CDC73: variants seen among roughly 807,000 people sequenced by gnomAD.
The protein encoded by CDC73 is cell division cycle 73.
Under a neutral mutation model 83.7 loss-of-function variants are expected in CDC73, and 21 were observed. The ratio of observed to expected loss-of-function variants is 0.25; its 90% CI spans 0.18 to 0.36. The LOEUF (loss-of-function observed/expected upper bound fraction) is 0.36, where lower values mean the gene tolerates loss of function less well. CDC73 is among the 10% of genes least tolerant of loss of function. CDC73 has a pLI of 1.00. For missense variants in CDC73, 342 were observed against 653.3 expected (o/e 0.52, Z 5.19); for synonymous variants, 224 against 212.9 (o/e 1.05, Z -0.45).
chr1:193,248,313 C>T (rs1375016280), intron 15 of CDC73, among the ~76,000 whole-genome samples: 1 of 152,078 alleles, frequency 6.6e-6, no homozygotes, highest in Non-Finnish European at 1.5e-5. Context: ...TTGAGACCTA[C>T]TGCTCAGAAA....
chr1:193,183,585 T>C (rs1232739705), intron 10 of CDC73, among the ~76,000 whole-genome samples: 1 of 151,370 alleles, frequency 6.6e-6, no homozygotes, highest in Non-Finnish European at 1.5e-5. Context: ...TTCCTTCTTG[T>C]ACTTTTAAAT....
intron 7 of CDC73, among the ~76,000 whole-genome samples, chr1:193,144,965 T>C (rs1312918938): frequency 1.3e-5 from 2 of 152,174 alleles, no homozygotes; most frequent in African/African-American, 4.8e-5. Flanking sequence ...CATAACACTT[T>C]TCTAATTCTT....
Position 193,147,926 on chromosome 1 carries a change from T to G in CDC73, c.789T>G (p.Arg263=), listed in dbSNP as rs761846181. 3.1e-6 allele frequency: 5 copies of G among 1,613,826 alleles called. No homozygotes were observed. In the South Asian group the frequency reaches 5.5e-5, roughly 18 times the overall value. The change falls in exon 8 of 17, where the codon CGT becomes CGG. Residue 263 remains arginine (R), a synonymous_variant. Coordinates refer to ENST00000367435, the MANE Select transcript of CDC73 (RefSeq NM_024529.5). The part of the protein sequence containing the change: ...LQSVKAREEG[R]APEQRPAPNA... ...CTGTAAAAGCCAGAGAAGAAGGGCGTGCACCTGAACAGCGACCTGCCCCAA... is the reference window on the plus strand; with the variant it reads ...CTGTAAAAGCCAGAGAAGAAGGGCGGGCACCTGAACAGCGACCTGCCCCAA...
chr1:193,177,507 G>C (rs1676628898), intron 10 of CDC73, among the ~76,000 whole-genome samples: 1 of 150,188 alleles, frequency 6.7e-6, no homozygotes, highest in Admixed American at 6.6e-5. Flanking sequence ...TCCAGCCTGG[G>C]CGACAGAGCA....
intron 13 of CDC73, among the ~76,000 whole-genome samples, chr1:193,214,656 T>G (rs527430101): frequency 1.6e-4 from 24 of 152,306 alleles, no homozygotes; most frequent in Non-Finnish European, 2.6e-4. Flanking sequence ...GAGGCGGAGC[T>G]TGCAGTGAGC....
At chr1:193,222,480 GTT>G (rs1677489287) in intron 13 of CDC73, among the ~76,000 whole-genome samples, 1 of 152,142 alleles carries the variant, frequency 6.6e-6, no homozygotes, top group Non-Finnish European at 1.5e-5. Flanking sequence ...TAATATGGGA[GTT>G]TATTTTTTTC....
chr1:193,204,287 A>AT (rs1181776959), intron 11 of CDC73, among the ~76,000 whole-genome samples: 5,475 of 133,856 alleles, frequency 0.041, 163 homozygotes, highest in Middle Eastern at 0.15. Context: ...GTATATATAT[A>AT]TTTTTTTTTT....
chr1:193,130,302 T>A lies in CDC73; in HGVS notation c.307+59T>A, dbSNP rs905853766. ...CAGACATTGTTTCTTTTTTCCCCTA[T>A]GAAATAATGATTAGAGGGAAGAGAA... On this transcript the variant is annotated intron_variant, in intron 3 of 16. Coordinates refer to ENST00000367435, the MANE Select transcript of CDC73 (RefSeq NM_024529.5). The A allele has an allele frequency of 1.1e-5, 11 of 1,031,360 alleles. No homozygotes were observed. The African/African-American group carries it at 1.7e-4, about 16-fold the overall frequency. 63.9% of individuals were successfully genotyped at this position (1,031,360 alleles called of 1,614,324 possible).
intron 13 of CDC73, among the ~76,000 whole-genome samples, chr1:193,214,043 A>G (rs112769618): frequency 1.3e-5 from 2 of 152,064 alleles, no homozygotes; most frequent in Non-Finnish European, 2.9e-5. Context: ...TTTTCCCTCT[A>G]CTTTAACCTT....
At chr1:193,247,913 G>A (rs760850176) in intron 15 of CDC73, among the ~76,000 whole-genome samples, 2 of 152,100 alleles carry the variant, frequency 1.3e-5, no homozygotes, top group African/African-American at 2.4e-5. Context: ...AAAGTGTAAG[G>A]TGAAGCAGCA....
rs893089319 is a variant in CDC73, at chr1:193,211,991, C to A, written c.1031-74C>A. 124 of 1,126,244 alleles carry A rather than the reference C, an allele frequency of 1.1e-4. No individual in the cohort carries two copies. In the Admixed American group the frequency reaches 2.4e-3, roughly 22 times the overall value. The allele number at this position is 1,126,244 out of a possible 1,614,324, so 69.8% of individuals were successfully genotyped here. On this transcript the variant is annotated intron_variant, in intron 11 of 16. Coordinates refer to ENST00000367435, the MANE Select transcript of CDC73 (RefSeq NM_024529.5). ...GGAATACACATAATTTAAAAAATAT[C>A]CCTTATTTGTAAGTTTGAAAATAAG...
At chr1:193,156,808 A>T (rs1029308765) in intron 10 of CDC73, among the ~76,000 whole-genome samples, 27 of 151,878 alleles carry the variant, frequency 1.8e-4, no homozygotes, top group African/African-American at 6.5e-4. Context: ...TTGGGGTTCT[A>T]TTTCCTTTTC....
chr1:193,186,073 T>A (rs1676800875), intron 10 of CDC73: 1 of 152,788 alleles, frequency 6.5e-6, no homozygotes, highest in African/African-American at 2.4e-5. Flanking sequence ...AAAATACTTT[T>A]GGCACGCCAT....
At chr1:193,168,562 G>C (rs1227142604) in intron 10 of CDC73, among the ~76,000 whole-genome samples, 2 of 149,190 alleles carry the variant, frequency 1.3e-5, no homozygotes, top group Non-Finnish European at 3.0e-5. Flanking sequence ...GTCTCTCTCT[G>C]TCACCCAGAT....
chr1:193,199,860 C>T (rs1184415462), intron 10 of CDC73, among the ~76,000 whole-genome samples: 5 of 151,708 alleles, frequency 3.3e-5, no homozygotes, highest in Admixed American at 3.3e-4. Flanking sequence ...ATTTTTAAAA[C>T]ATATGTGACT....
intron 10 of CDC73, among the ~76,000 whole-genome samples, chr1:193,184,858 C>G (rs1233708872): frequency 2.0e-5 from 3 of 151,834 alleles, no homozygotes; most frequent in Non-Finnish European, 4.4e-5. Flanking sequence ...GAATGCAGTA[C>G]TTACATATTT....
At chr1:193,205,324 A>G (rs548122141) in intron 11 of CDC73, among the ~76,000 whole-genome samples, 6 of 151,870 alleles carry the variant, frequency 4.0e-5, no homozygotes, top group African/African-American at 4.8e-5. Context: ...CACAGTATCA[A>G]TAGTGCAGAT....
chr1:193,233,548 G>T (rs1413914639), intron 14 of CDC73, among the ~76,000 whole-genome samples: 1 of 152,092 alleles, frequency 6.6e-6, no homozygotes. Context: ...TTATATTTTG[G>T]ATAAGTAAAC....
chr1:193,212,819 A>T (rs1027637019), intron 13 of CDC73, among the ~76,000 whole-genome samples: 1 of 152,114 alleles, frequency 6.6e-6, no homozygotes, highest in Non-Finnish European at 1.5e-5. Context: ...TAGATGTTAT[A>T]CCCTAGTGGG....
Sources: gnomAD v4.1 joint callset for allele counts (sites outside exome capture counted in the v4.1 genomes callset) on GRCh38, gnomAD v4.1.1 for gene constraint, MANE v1.5 for transcripts, NCBI Gene and HGNC (gene_info 2026-07-23, HGNC 2026-07-21) for gene names.